Variants in LHFPL1 observed in about 807,000 individuals in gnomAD.
The protein encoded by LHFPL1 is LHFPL tetraspan subfamily member 1 protein.
Under a neutral mutation model 12.1 loss-of-function variants are expected in LHFPL1, and 4 were observed. The ratio of observed to expected loss-of-function variants is 0.33; its 90% CI spans 0.16 to 0.76. LHFPL1 has a LOEUF of 0.76. Ranked by LOEUF, LHFPL1 falls within the 30% of genes least tolerant of loss-of-function variation. LHFPL1 has a pLI of 0.61. For missense variants in LHFPL1, 141 were observed against 174.1 expected, an observed-to-expected ratio of 0.81 and a Z score of 1.07; for synonymous variants, 52 against 61.9, an observed-to-expected ratio of 0.84 and a Z score of 0.75.
chrX:112,674,238 C>T (rs1931592158), intron 1 of LHFPL1, among the ~76,000 whole-genome samples: 2 of 111,516 alleles, frequency 1.8e-5, no homozygotes, highest in Non-Finnish European at 1.9e-5. Context: ...TGGCTAGCCA[C>T]ATGTAGGAGA....
intron 3 of LHFPL1, among the ~76,000 whole-genome samples, chrX:112,655,123 G>C (rs1930959883): frequency 8.9e-6 from 1 of 112,092 alleles, no homozygotes; most frequent in South Asian, 3.7e-4. Flanking sequence ...GAAGGAAACT[G>C]CAAGTTCTTT....
chrX:112,677,405 C>T (rs1444189338), intron 1 of LHFPL1, among the ~76,000 whole-genome samples: 1 of 111,228 alleles, frequency 9.0e-6, no homozygotes, highest in African/African-American at 3.3e-5. Flanking sequence ...CTGGTGTTGG[C>T]AAAGGAACGT....
At chrX:112,670,309 G>A (rs1569367992) in intron 2 of LHFPL1, among the ~76,000 whole-genome samples, 1 of 112,300 alleles carries the variant, frequency 8.9e-6, no homozygotes, top group Non-Finnish European at 1.9e-5. Context: ...CTGTCTTCCT[G>A]AAGTCTGCCA....
At chrX:112,662,930 GAAGAA>G (rs958978394) in intron 2 of LHFPL1, among the ~76,000 whole-genome samples, 8 of 112,023 alleles carry the variant, frequency 7.1e-5, no homozygotes, top group Admixed American at 1.9e-4. Context: ...CACAGACTAG[GAAGAA>G]AAGAACACAA....
chrX:112,640,635 G>GGA (rs759552839), intron 3 of LHFPL1, among the ~76,000 whole-genome samples: 1 of 111,863 alleles, frequency 8.9e-6, no homozygotes, highest in South Asian at 3.8e-4. Context: ...TGTGGAACAG[G>GGA]GAGAGAGAGA....
intron 1 of LHFPL1, among the ~76,000 whole-genome samples, chrX:112,671,820 G>A: frequency 9.0e-6 from 1 of 111,724 alleles, no homozygotes; most frequent in Non-Finnish European, 1.9e-5. Flanking sequence ...TTCCTGGCCT[G>A]GTAGCTTGGA....
intron 2 of LHFPL1, among the ~76,000 whole-genome samples, chrX:112,662,290 A>T (rs1931213497): frequency 8.9e-6 from 1 of 112,256 alleles, no homozygotes; most frequent in Admixed American, 9.4e-5. Context: ...TAGCATATTT[A>T]TAGGTTCCAG....
At position 112,670,623 on chromosome X, in the gene LHFPL1, T is replaced by C. The variant is rs777165660; in HGVS notation, c.382+386A>G. Among the ~76,000 whole-genome samples, 57 of 112,633 alleles carry C rather than the reference T, an allele frequency of 5.1e-4. 1 individual carries two copies. The highest frequency in any genetic ancestry group is 1.8e-3 in the African/African-American group (56 of 31,024). The stretch of plus-strand genomic sequence containing the variant: ...TTTATTAGATCACTGTTCTCTGAGA[T>C]AACTACCAGAGAGCAGGGCTCCTAG... On this transcript the variant is annotated intron_variant, in intron 2 of 3. Coordinates refer to ENST00000371968, the MANE Select transcript of LHFPL1 (RefSeq NM_178175.4).
intron 3 of LHFPL1, among the ~76,000 whole-genome samples, 194 bp downstream of exon 3, chrX:112,660,433 A>C: frequency 8.9e-6 from 1 of 111,985 alleles, no homozygotes; most frequent in South Asian, 3.7e-4. Flanking sequence ...AAACTGCATA[A>C]ATTGTATGGA....
intron 3 of LHFPL1, among the ~76,000 whole-genome samples, chrX:112,632,638 G>A (rs1383140106): frequency 9.0e-6 from 1 of 111,614 alleles, no homozygotes; most frequent in Admixed American, 9.5e-5. Context: ...GTCAGTGGAG[G>A]ATGTCAAGAT....
intron 3 of LHFPL1, among the ~76,000 whole-genome samples, chrX:112,631,941 A>G (rs1569359039): frequency 8.9e-6 from 1 of 111,814 alleles, no homozygotes; most frequent in Non-Finnish European, 1.9e-5. Flanking sequence ...CTTTAAACAT[A>G]TACCTCATTG....
intron 3 of LHFPL1, among the ~76,000 whole-genome samples, chrX:112,657,909 C>CAAAAAAAAAAAA (rs57793060): frequency 1.6e-5 from 1 of 61,330 alleles, no homozygotes; most frequent in African/African-American, 4.6e-5. Flanking sequence ...AAAACAGAAG[C>CAAAAAAAAAAAA]AAAAAAAAAA....
At position 112,642,391 on chromosome X, in the gene LHFPL1, G is replaced by GAGAC. The variant is rs1930537187; in HGVS notation, c.482-10794_482-10791dup. Among the ~76,000 whole-genome samples the GAGAC allele has an allele frequency of 9.8e-5, 10 of 101,922 alleles. No homozygotes were observed. The South Asian group carries it at 5.7e-3, about 58-fold the overall frequency. The allele number at this position is 101,922 out of a possible 115,157, so 88.5% of individuals were successfully genotyped here. A position where few individuals can be genotyped will look rare whatever the true frequency, so the allele number is the denominator to read the frequency against. On this transcript the variant is annotated intron_variant, in intron 3 of 3. Transcript: ENST00000371968. ...TAAATAAAAATTTATATTTTTTGTT[G>GAGAC]AGACGGGGCTTCACCATGTTGCCCA...
chrX:112,640,605 G>T (rs1045419920), intron 3 of LHFPL1, among the ~76,000 whole-genome samples: 1 of 111,915 alleles, frequency 8.9e-6, no homozygotes, highest in African/African-American at 3.3e-5. Context: ...ATAGATAAAG[G>T]CGTTGATGTG....
At chrX:112,647,789 A>C (rs1930737925) in intron 3 of LHFPL1, among the ~76,000 whole-genome samples, 1 of 112,211 alleles carries the variant, frequency 8.9e-6, no homozygotes. Context: ...ATCTAGAAAC[A>C]GAAATACCAT....
At chrX:112,664,535 T>A (rs1441218523) in intron 2 of LHFPL1, among the ~76,000 whole-genome samples, 1 of 111,829 alleles carries the variant, frequency 8.9e-6, no homozygotes. Flanking sequence ...TCAGGTCTAG[T>A]GCATGTAGCT....
intron 2 of LHFPL1, among the ~76,000 whole-genome samples, chrX:112,668,293 C>T (rs1688841021): frequency 8.9e-6 from 1 of 112,196 alleles, no homozygotes; most frequent in Admixed American, 9.4e-5. Context: ...TGTCAAGGGG[C>T]TCCTAGTGAG....
intron 3 of LHFPL1, among the ~76,000 whole-genome samples, chrX:112,646,674 AG>A (rs1331111933): frequency 9.1e-6 from 1 of 109,837 alleles, no homozygotes; most frequent in Non-Finnish European, 1.9e-5. Context: ...GAATCCCATC[AG>A]GTCCAGCCAC....
At chrX:112,662,022 G>T (rs1261700121) in intron 2 of LHFPL1, among the ~76,000 whole-genome samples, 1 of 112,498 alleles carries the variant, frequency 8.9e-6, no homozygotes, top group Non-Finnish European at 1.9e-5. Flanking sequence ...CAGTGAAACT[G>T]CTAGAAAAAA....
Sources: allele counts gnomAD v4.1 joint callset (sites outside exome capture counted in the v4.1 genomes callset), GRCh38; gene constraint gnomAD v4.1.1; transcripts MANE v1.5; gene names NCBI Gene and HGNC (gene_info 2026-07-23, HGNC 2026-07-21).